The following XPO6 variants were observed in gnomAD, a reference collection of about 807,000 sequenced individuals.
XPO6 encodes the protein exportin 6, also known as exportin-6.
A neutral mutation model predicts 130.0 loss-of-function variants in XPO6; 3 were observed. The ratio of observed to expected loss-of-function variants is 0.02; its 90% CI spans 0.01 to 0.06. The LOEUF is 0.06. XPO6 is among the 10% of genes least tolerant of loss of function. The pLI is 1.00. For missense variants in XPO6, 970 were observed against 1,393.0 expected (o/e 0.70, Z 4.83); for synonymous variants, 524 against 548.9 (o/e 0.95, Z 0.63).
At position 28,106,214 on chromosome 16, in the gene XPO6, T is replaced by C; in HGVS notation, c.2613A>G (p.Arg871=). The C allele has an allele frequency of 1.9e-6, 3 of 1,613,976 alleles. No individual in the cohort carries two copies. Among genetic ancestry groups the C allele is most frequent in the Non-Finnish European group, 2.5e-6 (3 of 1,179,946 alleles). The part of the protein sequence containing the change: ...IIQTFLNMFT[R]EQLAESILHE... Reference sequence around the variant, plus strand: ...GGAGGATGCTCTCGGCTAACTGCTCTCTACAGAGGAGAAAGCCACACAGTG... The same window carrying C: ...GGAGGATGCTCTCGGCTAACTGCTCCCTACAGAGGAGAAAGCCACACAGTG... The change falls in exon 20 of 24, where the codon AGA becomes AGG. Residue 871 remains arginine, a splice_region_variant and synonymous_variant. Coordinates refer to ENST00000304658, the MANE Select transcript of XPO6 (RefSeq NM_015171.4). The surrounding 1 kb of genome is among the most constrained non-coding windows in gnomAD (Gnocchi z 4.2).
chr16:28,193,260 C>T (rs1488828598), intron 1 of XPO6, among the ~76,000 whole-genome samples: 1 of 152,126 alleles, frequency 6.6e-6, no homozygotes, highest in Non-Finnish European at 1.5e-5. Flanking sequence ...GATAATGTTG[C>T]CGGGGTGGCA....
At chr16:28,110,149 A>C (rs553725124) in intron 17 of XPO6, among the ~76,000 whole-genome samples, 1 of 152,232 alleles carries the variant, frequency 6.6e-6, no homozygotes. Context: ...ACAGGGTTAC[A>C]GGGTTACACA....
intron 12 of XPO6, among the ~76,000 whole-genome samples, chr16:28,128,703 T>G (rs985441156): frequency 1.3e-5 from 2 of 152,194 alleles, no homozygotes; most frequent in Admixed American, 6.5e-5. Flanking sequence ...CACCCGGCCC[T>G]TCAGCCTCTT....
At chr16:28,118,149 G>A (rs2087119615) in intron 14 of XPO6, among the ~76,000 whole-genome samples, 2 of 152,210 alleles carry the variant, frequency 1.3e-5, no homozygotes, top group South Asian at 4.1e-4. Context: ...TTAGTAAGTT[G>A]TAAGGTGGTA....
At position 28,125,680 on chromosome 16, in the gene XPO6, C is replaced by T. The variant is rs1312013615; in HGVS notation, c.1766+9G>A. On this transcript the variant is annotated intron_variant, in intron 13 of 23. Transcript: ENST00000304658. ...AAGGAACAGCTCCATAAGGTAACTG[C>T]CAGCCTACCTTTCCACGACTGTGAG... 2.5e-6 allele frequency: 4 copies of T among 1,612,062 alleles called. No individual in the cohort carries two copies. The highest frequency in any genetic ancestry group is 3.4e-6 in the Non-Finnish European group (4 of 1,178,830).
intron 6 of XPO6, among the ~76,000 whole-genome samples, chr16:28,164,047 G>A (rs1482076061): frequency 1.3e-5 from 2 of 152,164 alleles, no homozygotes; most frequent in African/African-American, 4.8e-5. Context: ...GACTATTAAA[G>A]GAGTTGTTGC....
chr16:28,105,761 C>A, intron 20 of XPO6: 3 of 362,226 alleles, frequency 8.3e-6, no homozygotes, highest in South Asian at 6.6e-5. Context: ...TATAGAAAAC[C>A]AGAGTCTCTT....
In XPO6 at chr16:28,211,414, C is replaced by G; in HGVS notation, c.-46G>C. The G allele has an allele frequency of 7.6e-7, 1 of 1,311,406 alleles. No homozygotes were observed. 81.2% of individuals were successfully genotyped at this position (1,311,406 alleles called of 1,614,324 possible). ...CTCAGATGAGCTGGTTCTTGGGCTT[C>G]GGACACGTCCCGCTCGCACAGTTCA... On this transcript the variant is annotated 5_prime_UTR_variant, in exon 1 of 24. Transcript: ENST00000304658.
At chr16:28,192,217 C>T (rs2043797302) in intron 1 of XPO6, among the ~76,000 whole-genome samples, 1 of 140,824 alleles carries the variant, frequency 7.1e-6, no homozygotes, top group Non-Finnish European at 1.5e-5. Context: ...GAGCAGAGAT[C>T]GGGCCACTGC....
At chr16:28,202,272 G>C (rs1013217339) in intron 1 of XPO6, among the ~76,000 whole-genome samples, 1 of 152,160 alleles carries the variant, frequency 6.6e-6, no homozygotes, top group African/African-American at 2.4e-5. Flanking sequence ...TTAAAATTCA[G>C]GGCCCATGTT....
chr16:28,170,054 C>G (rs2043424295), intron 4 of XPO6, 145 bp from the exon 5 acceptor site: 2 of 1,128,174 alleles, frequency 1.8e-6, no homozygotes, highest in Non-Finnish European at 2.5e-6. Context: ...ACTTAGAGGC[C>G]AGCTCCAATG....
chr16:28,126,383 G>C (rs978035704), intron 12 of XPO6, among the ~76,000 whole-genome samples: 4 of 152,164 alleles, frequency 2.6e-5, no homozygotes, highest in African/African-American at 9.7e-5. Context: ...CACCCCTGAA[G>C]GCTGGGAGGT....
Position 28,110,527 on chromosome 16 carries a change from C to T in XPO6, c.2341+1290G>A, listed in dbSNP as rs138153724. Among the ~76,000 whole-genome samples the T allele has an allele frequency of 5.1e-3, 770 of 152,310 alleles. 6 individuals carry two copies. Among genetic ancestry groups the T allele is most frequent in the African/African-American group, 0.017 (718 of 41,568 alleles). On this transcript the variant is annotated intron_variant, in intron 17 of 23. Transcript: ENST00000304658. ...ATATCCTTTTTCTTCTTGTATTAAGCCACTACACTTTTGGAGTTGTTTGTT... is the reference window on the plus strand; with the variant it reads ...ATATCCTTTTTCTTCTTGTATTAAGTCACTACACTTTTGGAGTTGTTTGTT...
intron 14 of XPO6, among the ~76,000 whole-genome samples, chr16:28,119,179 C>T (rs1225277012): frequency 6.6e-6 from 1 of 150,564 alleles, no homozygotes; most frequent in Admixed American, 6.6e-5. Flanking sequence ...CTATGTCCGG[C>T]TATTTTTTTT....
chr16:28,176,802 C>A (rs2043541969), intron 3 of XPO6, among the ~76,000 whole-genome samples: 1 of 152,014 alleles, frequency 6.6e-6, no homozygotes, highest in African/African-American at 2.4e-5. Flanking sequence ...AGCCACTGCG[C>A]CCGGCCTACA....
chr16:28,153,799 A>G, intron 7 of XPO6: 2 of 985,416 alleles, frequency 2.0e-6, no homozygotes, highest in Non-Finnish European at 2.4e-6. Flanking sequence ...ATTACTGCAA[A>G]AGCTATTTTT....
chr16:28,102,869 G>A (rs1252424599), intron 21 of XPO6, among the ~76,000 whole-genome samples: 1 of 152,136 alleles, frequency 6.6e-6, no homozygotes, highest in Non-Finnish European at 1.5e-5. Context: ...GAGGCCGGTG[G>A]TCTGCAGGAC....
At chr16:28,156,802 A>G (rs2043191038) in intron 6 of XPO6, among the ~76,000 whole-genome samples, 1 of 152,184 alleles carries the variant, frequency 6.6e-6, no homozygotes, top group Admixed American at 6.5e-5. Context: ...AGTTTTAGTG[A>G]GATTTGTACA....
intron 17 of XPO6, 41 bp downstream of exon 17, chr16:28,111,776 C>T: frequency 6.2e-7 from 1 of 1,601,440 alleles, no homozygotes; most frequent in Non-Finnish European, 8.5e-7. Context: ...CAATGCCTGC[C>T]TACCTCCTTC....
Sources: allele counts gnomAD v4.1 joint callset (sites outside exome capture counted in the v4.1 genomes callset), GRCh38; gene constraint gnomAD v4.1.1; non-coding constraint Gnocchi (gnomAD v3.1); transcripts MANE v1.5; gene names NCBI Gene and HGNC (gene_info 2026-07-23, HGNC 2026-07-21).